POLK: variants seen among roughly 807,000 people sequenced by gnomAD.
POLK encodes DNA polymerase kappa.
In POLK, 76 loss-of-function variants were observed where a neutral mutation model predicts 94.0. That is an observed-to-expected ratio of 0.81 (90% CI 0.67 to 0.98). The LOEUF (loss-of-function observed/expected upper bound fraction) is 0.98, where lower values mean the gene tolerates loss of function less well. Ranked by LOEUF, POLK falls within the 50% of genes least tolerant of loss-of-function variation. POLK has a pLI of 0.00. For synonymous variants in POLK, 349 were observed against 325.4 expected (o/e 1.07, Z -0.78); for missense variants, 954 against 1,010.1 (o/e 0.94, Z 0.75).
chr5:75,593,451 G>T (rs1392824612), intron 11 of POLK, among the ~76,000 whole-genome samples: 1 of 152,084 alleles, frequency 6.6e-6, no homozygotes, highest in African/African-American at 2.4e-5. Flanking sequence ...TTATCACCAT[G>T]TTTTATAAAT....
At chr5:75,567,500 C>G (rs1252443336) in intron 3 of POLK, among the ~76,000 whole-genome samples, 2 of 152,192 alleles carry the variant, frequency 1.3e-5, no homozygotes, top group Non-Finnish European at 2.9e-5. Context: ...AGTTAGCCTT[C>G]TTCAAGATTT....
chr5:75,521,973 G>T (rs1208023341), intron 1 of POLK, among the ~76,000 whole-genome samples: 1 of 152,204 alleles, frequency 6.6e-6, no homozygotes, highest in African/African-American at 2.4e-5. Context: ...CTACCTAGTG[G>T]TCCTGCCGAA....
chr5:75,577,016 A>T, intron 6 of POLK, 83 bp downstream of exon 6: 1 of 788,410 alleles, frequency 1.3e-6, no homozygotes, highest in Non-Finnish European at 1.9e-6. Flanking sequence ...CAATTAATTT[A>T]TTAGCCTGCA....
At chr5:75,558,054 G>A (rs1770730595) in intron 3 of POLK, among the ~76,000 whole-genome samples, 1 of 152,166 alleles carries the variant, frequency 6.6e-6, no homozygotes, top group Non-Finnish European at 1.5e-5. Flanking sequence ...CTCCAAAAGT[G>A]CTGGGATTAC....
At chr5:75,514,619 C>CATCGCTAGTGAATAGTCT (rs1768235434) in intron 1 of POLK, among the ~76,000 whole-genome samples, 1 of 152,236 alleles carries the variant, frequency 6.6e-6, no homozygotes, top group Non-Finnish European at 1.5e-5. Context: ...TTGCCCAGAT[C>CATCGCTAGTGAATAGTCT]ATCGCTAGTG....
intron 1 of POLK, among the ~76,000 whole-genome samples, chr5:75,532,478 G>A (rs1159326561): frequency 6.6e-6 from 1 of 151,244 alleles, no homozygotes; most frequent in African/African-American, 2.4e-5. Context: ...TTTAAATCCA[G>A]TCTACCATTA....
chr5:75,536,802 C>T (rs987794507), intron 1 of POLK, among the ~76,000 whole-genome samples: 5 of 152,162 alleles, frequency 3.3e-5, no homozygotes, highest in Non-Finnish European at 5.9e-5. Flanking sequence ...GAAGCTGAGC[C>T]CTCCTGCTGA....
intron 12 of POLK, 68 bp from the exon 13 acceptor site, chr5:75,596,154 T>A (rs1773070860): frequency 1.2e-6 from 1 of 851,538 alleles, no homozygotes. Context: ...CTAGACAAAA[T>A]GTTTTTATGC....
At chr5:75,573,330 A>G (rs1231830285) in intron 4 of POLK, among the ~76,000 whole-genome samples, 1 of 152,038 alleles carries the variant, frequency 6.6e-6, no homozygotes, top group Non-Finnish European at 1.5e-5. Context: ...ACGTGGACAC[A>G]GGAAGGGGAA....
chr5:75,568,632 A>C (rs1771413854), intron 3 of POLK: 7 of 420,906 alleles, frequency 1.7e-5, no homozygotes, highest in South Asian at 1.2e-4. Flanking sequence ...ATTAAAGTTC[A>C]TGAAGAATAA....
At chr5:75,580,722 T>C (rs1772150270) in intron 6 of POLK, 1 of 158,972 alleles carries the variant, frequency 6.3e-6, no homozygotes, top group Non-Finnish European at 1.3e-5. Flanking sequence ...AAAGGTTTCT[T>C]CCATAAATGA....
At chr5:75,597,618 G>A (rs1314904574) in intron 13 of POLK, 129 bp from the exon 14 acceptor site, 4 of 467,584 alleles carry the variant, frequency 8.6e-6, no homozygotes, top group Non-Finnish European at 1.5e-5. Context: ...TTTTTGGTGT[G>A]TTTACATATG....
At chr5:75,555,993 A>T (rs1271799542) in intron 3 of POLK, among the ~76,000 whole-genome samples, 1 of 152,222 alleles carries the variant, frequency 6.6e-6, no homozygotes, top group African/African-American at 2.4e-5. Context: ...ATGTGTAGAC[A>T]TAAGTTTTCA....
At chr5:75,523,052 C>G (rs1339793587) in intron 1 of POLK, among the ~76,000 whole-genome samples, 1 of 152,028 alleles carries the variant, frequency 6.6e-6, no homozygotes, top group Non-Finnish European at 1.5e-5. Flanking sequence ...ATTTCCTTCC[C>G]CTGTCTCAGG....
intron 10 of POLK, among the ~76,000 whole-genome samples, chr5:75,588,611 TAAAAC>T (rs894821413): frequency 3.3e-5 from 5 of 152,208 alleles, no homozygotes; most frequent in African/African-American, 1.2e-4. Context: ...TTATTGCTAT[TAAAAC>T]AAATTTCTAC....
chr5:75,584,400 G>A (rs546063498), intron 8 of POLK, among the ~76,000 whole-genome samples: 16 of 152,008 alleles, frequency 1.1e-4, no homozygotes, highest in Non-Finnish European at 2.1e-4. Context: ...ACCTTTTATC[G>A]ATGATAAAAG....
intron 6 of POLK, among the ~76,000 whole-genome samples, chr5:75,579,477 C>T (rs1042745750): frequency 4.6e-5 from 7 of 151,550 alleles, no homozygotes; most frequent in Non-Finnish European, 2.9e-5. Context: ...TGAAGTAATT[C>T]TCCTGCCCCA....
At chr5:75,519,955 C>G (rs555782700) in intron 1 of POLK, among the ~76,000 whole-genome samples, 3 of 152,014 alleles carry the variant, frequency 2.0e-5, no homozygotes, top group Non-Finnish European at 4.4e-5. Context: ...CCTCTCTTTT[C>G]CTTTCTGTGT....
chr5:75,524,877 A>G (rs1768757685), intron 1 of POLK, among the ~76,000 whole-genome samples: 1 of 152,226 alleles, frequency 6.6e-6, no homozygotes, highest in East Asian at 1.9e-4. Flanking sequence ...GAGCCAGATA[A>G]TGGAAATTCT....
Sources: gnomAD v4.1 joint callset for allele counts (sites outside exome capture counted in the v4.1 genomes callset) on GRCh38, gnomAD v4.1.1 for gene constraint, MANE v1.5 for transcripts, NCBI Gene and HGNC (gene_info 2026-07-23, HGNC 2026-07-21) for gene names.